Variants in KIZ observed in about 807,000 individuals in gnomAD.
The protein encoded by KIZ is kizuna centrosomal protein, also known as centrosomal protein kizuna.
A neutral mutation model predicts 79.6 loss-of-function variants in KIZ; 68 were observed. The ratio of observed to expected loss-of-function variants is 0.85; its 90% CI spans 0.70 to 1.05. KIZ has a LOEUF of 1.05. KIZ is among the 50% of genes least tolerant of loss of function. KIZ has a pLI of 0.00. For missense variants in KIZ, 797 were observed against 800.4 expected (o/e 1.00, Z 0.05); for synonymous variants, 280 against 281.8 (o/e 0.99, Z 0.06).
intron 6 of KIZ, among the ~76,000 whole-genome samples, chr20:21,169,565 T>C (rs1048303783): frequency 2.6e-5 from 4 of 152,150 alleles, no homozygotes; most frequent in African/African-American, 7.2e-5. Flanking sequence ...TTGACCCAGC[T>C]ATCCCATTAC....
chr20:21,202,051 G>T (rs1323146680), intron 6 of KIZ, among the ~76,000 whole-genome samples: 3 of 152,164 alleles, frequency 2.0e-5, no homozygotes, highest in Admixed American at 6.5e-5. Flanking sequence ...TTATCCTTTT[G>T]TGGGAAATAA....
chr20:21,200,037 T>A (rs1454054416), intron 6 of KIZ, among the ~76,000 whole-genome samples: 1 of 152,160 alleles, frequency 6.6e-6, no homozygotes, highest in East Asian at 1.9e-4. Context: ...GCCAGGCTAG[T>A]CTTGAACTCC....
chr20:21,214,787 TG>T, intron 8 of KIZ, 87 bp downstream of exon 8: 1 of 789,690 alleles, frequency 1.3e-6, no homozygotes, highest in Non-Finnish European at 2.1e-6. Context: ...AGAATATCAC[TG>T]ACTAGTGAAT....
At chr20:21,194,810 C>G (rs1362623374) in intron 6 of KIZ, 2 of 150,814 alleles carry the variant, frequency 1.3e-5, no homozygotes, top group Non-Finnish European at 2.9e-5. Context: ...GGCAACAAAG[C>G]AAGACCCCAT....
intron 11 of KIZ, among the ~76,000 whole-genome samples, chr20:21,234,587 G>A (rs978484211): frequency 6.6e-6 from 1 of 152,026 alleles, no homozygotes; most frequent in African/African-American, 2.4e-5. Context: ...TACATTTAAG[G>A]ATCCCACTTA....
At position 21,162,869 on chromosome 20, in the gene KIZ, A is replaced by C; in HGVS notation, c.1062A>C (p.Glu354Asp). 1 of 1,613,286 alleles carries C rather than the reference A, an allele frequency of 6.2e-7. No individual in the cohort carries two copies. The highest frequency in any genetic ancestry group is 1.3e-5 in the African/African-American group (1 of 74,986). ...TTGCAGATCATCTTGCTCACAGGGA[A>C]CCAAAGTCACAAAAGCCCTTCAGAA... ...EGVSDHLAHR[E>D]PKSQKPFRKM... Residue 354 changes from glutamate to aspartate, a missense_variant, in exon 6 of 13, where the codon GAA becomes GAC. Glu to Asp is a conservative substitution (Grantham distance 45). Coordinates refer to ENST00000619189, the MANE Select transcript of KIZ (RefSeq NM_018474.6).
At chr20:21,182,616 C>G (rs895774918) in intron 6 of KIZ, among the ~76,000 whole-genome samples, 1 of 151,882 alleles carries the variant, frequency 6.6e-6, no homozygotes, top group Non-Finnish European at 1.5e-5. Context: ...GGCAACATGG[C>G]GAAACCCTAT....
At chr20:21,158,311 A>G (rs1322199856) in intron 4 of KIZ, 2 of 152,226 alleles carry the variant, frequency 1.3e-5, no homozygotes, top group South Asian at 2.1e-4. Context: ...TTAAAATGAC[A>G]TAATGGCCTC....
intron 6 of KIZ, among the ~76,000 whole-genome samples, chr20:21,200,053 T>C (rs2035526133): frequency 1.3e-5 from 2 of 152,166 alleles, no homozygotes; most frequent in South Asian, 4.1e-4. Context: ...ACTCCTGGCC[T>C]CAAGTGATCT....
chr20:21,180,080 T>G (rs537652662), intron 6 of KIZ, among the ~76,000 whole-genome samples: 1 of 152,326 alleles, frequency 6.6e-6, no homozygotes, highest in African/African-American at 2.4e-5. Context: ...TGACCAGTAC[T>G]GTTATTCAAG....
At chr20:21,169,679 CA>C (rs540842833) in intron 6 of KIZ, among the ~76,000 whole-genome samples, 58 of 152,180 alleles carry the variant, frequency 3.8e-4, no homozygotes, top group Admixed American at 1.6e-3. Flanking sequence ...GGAACCAACC[CA>C]AAAAAATAGT....
intron 6 of KIZ, chr20:21,166,074 C>G: frequency 1.6e-6 from 1 of 625,332 alleles, no homozygotes; most frequent in Non-Finnish European, 2.8e-6. Context: ...TCAAGCAATT[C>G]TCCTGCCTCA....
At chr20:21,140,380 C>A (rs2122432383) in intron 3 of KIZ, among the ~76,000 whole-genome samples, 1 of 152,298 alleles carries the variant, frequency 6.6e-6, no homozygotes, top group East Asian at 1.9e-4. Flanking sequence ...GAAAGTGCAA[C>A]CAAGTGAAGC....
intron 6 of KIZ, chr20:21,194,450 T>C (rs1190765917): frequency 6.6e-6 from 1 of 152,258 alleles, no homozygotes; most frequent in Non-Finnish European, 1.5e-5. Flanking sequence ...TTTAATTCCA[T>C]ACAGCGTTTG....
chr20:21,211,044 A>G (rs2036047002), intron 7 of KIZ, among the ~76,000 whole-genome samples: 1 of 151,824 alleles, frequency 6.6e-6, no homozygotes, highest in Non-Finnish European at 1.5e-5. Flanking sequence ...AATTTTCTTA[A>G]TGGTGTTTTG....
At chr20:21,127,343 C>T (rs1468472252) in intron 1 of KIZ, among the ~76,000 whole-genome samples, 1 of 152,170 alleles carries the variant, frequency 6.6e-6, no homozygotes, top group Admixed American at 6.5e-5. Flanking sequence ...CAACCCATTC[C>T]CTAACTTTTG....
rs374753826 is a variant in KIZ at position 21,130,528 on chromosome 20, GTTTCC to G, written c.90-1566_90-1562del. ...TCTAATGTGGAAGCAATTATGCTAT[GTTTCC>G]TTCACTTCTATTCTAAGTTCACTCT... On this transcript the variant is annotated intron_variant, in intron 1 of 12. Transcript: ENST00000619189. 2.8e-4 allele frequency among the ~76,000 whole-genome samples: 42 copies of G among 152,294 alleles called. No individual in the cohort carries two copies. The East Asian group carries it at 7.3e-3, about 27-fold the overall frequency.
intron 1 of KIZ, 107 bp from the exon 2 acceptor site, chr20:21,131,990 C>T: frequency 1.6e-6 from 1 of 611,404 alleles, no homozygotes; most frequent in Admixed American, 3.5e-5. Context: ...TTTTTGACCT[C>T]TAATCAACAC....
chr20:21,179,162 G>A (rs566274568), intron 6 of KIZ, among the ~76,000 whole-genome samples: 1 of 149,094 alleles, frequency 6.7e-6, no homozygotes, highest in African/African-American at 2.5e-5. Flanking sequence ...TTCTTTAAAT[G>A]TCTGGTAGAA....
Sources: gnomAD v4.1 joint callset for allele counts (sites outside exome capture counted in the v4.1 genomes callset) on GRCh38, gnomAD v4.1.1 for gene constraint, MANE v1.5 for transcripts, NCBI Gene and HGNC (gene_info 2026-07-23, HGNC 2026-07-21) for gene names.